Variants in ZBTB5 observed in about 807,000 individuals in gnomAD.
The protein encoded by ZBTB5 is zinc finger and BTB domain containing 5, also known as zinc finger and BTB domain-containing protein 5.
Under a neutral mutation model 37.9 loss-of-function variants are expected in ZBTB5, and 15 were observed. That is an observed-to-expected ratio of 0.40 (90% confidence interval 0.26 to 0.61). The LOEUF (loss-of-function observed/expected upper bound fraction) is 0.61, where lower values mean the gene tolerates loss of function less well. Among genes scored for constraint, ZBTB5 ranks in the 20% least tolerant of loss-of-function variants. The pLI is 0.47. For synonymous variants in ZBTB5, 315 were observed against 312.4 expected (o/e 1.01, Z -0.09); for missense variants, 708 against 856.8 (o/e 0.83, Z 2.17).
intron 1 of ZBTB5, among the ~76,000 whole-genome samples, chr9:37,460,907 T>G (rs1824281229): frequency 6.6e-6 from 1 of 151,390 alleles, no homozygotes; most frequent in Admixed American, 6.6e-5. Flanking sequence ...AAAAAAAAAC[T>G]AAACTTTTAT....
rs749881691 is a variant in ZBTB5 at position 37,442,059 on chromosome 9, C to T, written c.493G>A (p.Glu165Lys). ...GAGCTCATGGGGGCTGGCTGCTCCT[C>T]GCCATTCTGGCTGGAATTGAGGGCT... Reference protein sequence around the residue: ...SSALNSSQNGEEQPAPMSSSM... With the variant: ...SSALNSSQNGKEQPAPMSSSM... The change falls in exon 2 of 2, where the codon GAG (glutamate) becomes AAG (lysine). Residue 165 changes from glutamate to lysine, a missense_variant. Coordinates refer to ENST00000307750, the MANE Select transcript of ZBTB5 (RefSeq NM_014872.3). The T allele has an allele frequency of 1.2e-6, 2 of 1,613,908 alleles. No homozygotes were observed. Among genetic ancestry groups the T allele is most frequent in the Non-Finnish European group, 1.7e-6 (2 of 1,180,040 alleles).
Position 37,441,236 on chromosome 9 carries a change from C to G in ZBTB5, c.1316G>C (p.Arg439Thr). 1.9e-6 allele frequency: 3 copies of G among 1,614,204 alleles called. No individual in the cohort carries two copies. The highest frequency in any genetic ancestry group is 2.5e-6 in the Non-Finnish European group (3 of 1,180,050). The change falls in exon 2 of 2, where the codon AGG becomes ACG. Residue 439 changes from arginine to threonine, a missense_variant. By Grantham distance (71) the Arg-to-Thr change is moderately conservative. Transcript: ENST00000307750. ...DNIPNTTSDC[R>T]LESEAPYLLS... The stretch of plus-strand genomic sequence containing the variant: ...CAAATAGGGGGCCTCACTCTCCAGC[C>G]TGCAGTCACTAGTGGTGTTTGGAAT...
chr9:37,450,335 T>C (rs1824080095), intron 1 of ZBTB5, among the ~76,000 whole-genome samples: 2 of 152,160 alleles, frequency 1.3e-5, no homozygotes, highest in South Asian at 4.2e-4. Context: ...AGTAAGTCTT[T>C]GTATCATTAT....
At chr9:37,452,185 G>A (rs1321166938) in intron 1 of ZBTB5, among the ~76,000 whole-genome samples, 2 of 152,140 alleles carry the variant, frequency 1.3e-5, no homozygotes, top group East Asian at 1.9e-4. Context: ...AGATGGGGTC[G>A]GTTAGGTCTG....
At chr9:37,448,294 T>C (rs1202468427) in intron 1 of ZBTB5, among the ~76,000 whole-genome samples, 2 of 152,182 alleles carry the variant, frequency 1.3e-5, no homozygotes, top group Admixed American at 6.5e-5. Flanking sequence ...CTTCCTGTTA[T>C]ACCTTGTTGG....
intron 1 of ZBTB5, among the ~76,000 whole-genome samples, chr9:37,444,016 A>G (rs1202601416): frequency 6.6e-6 from 1 of 152,134 alleles, no homozygotes; most frequent in Non-Finnish European, 1.5e-5. Flanking sequence ...CTGGGAAGTC[A>G]AGGCTTCTGT....
In ZBTB5 at chr9:37,440,912, G is replaced by C. The variant is rs1823856245; in HGVS notation, c.1640C>G (p.Ser547Cys). Residue 547 changes from serine to cysteine, a missense_variant, in exon 2 of 2, where the codon TCC becomes TGC. Around this residue, in one of 3 missense-constraint regions of ZBTB5, gnomAD observed 639 missense variants for 690.5 expected, o/e 0.93. Transcript: ENST00000307750. ...RIAPKMPVVT[S>C]VRSSQIPENS... ...TTCTGGGATCTGTGAGCTCCTGACG[G>C]AAGTTACAACTGGCATTTTGGGAGC... 3 of 1,614,204 alleles carry C rather than the reference G, an allele frequency of 1.9e-6. No individual in the cohort carries two copies. The highest frequency in any genetic ancestry group is 1.7e-6 in the Non-Finnish European group (2 of 1,180,034).
chr9:37,449,274 G>A (rs1292466744), intron 1 of ZBTB5, among the ~76,000 whole-genome samples: 2 of 152,100 alleles, frequency 1.3e-5, no homozygotes, highest in Admixed American at 6.6e-5. Context: ...AAACATAAGA[G>A]GGGTATTGTT....
rs771957016 is a variant in ZBTB5 at position 37,441,933 on chromosome 9, G to A, written c.619C>T (p.Pro207Ser). Residue 207 changes from proline (P) to serine (S), a missense_variant, in exon 2 of 2, where the codon CCC becomes TCC. Around this residue, in one of 3 missense-constraint regions of ZBTB5, gnomAD observed 639 missense variants for 690.5 expected, o/e 0.93. Coordinates refer to ENST00000307750, the MANE Select transcript of ZBTB5 (RefSeq NM_014872.3). Reference protein sequence around the residue: ...AEERARQRLRPSIDESAISDV... With the variant: ...AEERARQRLRSSIDESAISDV... ...GAAATGGCAGACTCATCTATGGAGG[G>A]TCGGAGGCGCTGCCTGGCCCGCTCC... 1.2e-6 allele frequency: 2 copies of A among 1,614,090 alleles called. No individual in the cohort carries two copies. The highest frequency in any genetic ancestry group is 1.7e-5 in the Admixed American group (1 of 60,032).
At chr9:37,457,870 G>C (rs1824221177) in intron 1 of ZBTB5, among the ~76,000 whole-genome samples, 1 of 152,180 alleles carries the variant, frequency 6.6e-6, no homozygotes, top group Non-Finnish European at 1.5e-5. Context: ...TGGCTAGAAA[G>C]GTAGGTATTG....
In ZBTB5 at chr9:37,441,160, G is replaced by A. The variant is rs757693509; in HGVS notation, c.1392C>T (p.Ser464=). The A allele has an allele frequency of 3.7e-6, 6 of 1,613,962 alleles. No individual in the cohort carries two copies. The highest frequency in any genetic ancestry group is 1.7e-5 in the Admixed American group (1 of 59,982). Residue 464 remains serine (S), a synonymous_variant, in exon 2 of 2, where the codon TCC becomes TCT. Coordinates refer to ENST00000307750, the MANE Select transcript of ZBTB5 (RefSeq NM_014872.3). The part of the protein sequence containing the change: ...PAGGPSSAPG[S]HVENPFSEPA... ...GTTCACTAAATGGGTTCTCTACATG[G>A]GAGCCAGGGGCAGAGGAGGGCCCAC...
chr9:37,455,660 C>G (rs907024597), intron 1 of ZBTB5, among the ~76,000 whole-genome samples: 2 of 152,192 alleles, frequency 1.3e-5, no homozygotes, highest in African/African-American at 4.8e-5. Flanking sequence ...GCAGTGGTGG[C>G]AGCCAAACAG....
In ZBTB5 at chr9:37,440,279, G is replaced by A. The variant is rs1264633077; in HGVS notation, c.*239C>T. 1.0e-5 allele frequency: 5 copies of A among 499,118 alleles called. No individual in the cohort carries two copies. Among genetic ancestry groups the A allele is most frequent in the South Asian group, 3.4e-5 (1 of 29,706 alleles). The allele number at this position is 499,118 out of a possible 1,614,324, so 30.9% of individuals were successfully genotyped here. ...ATCAATTACAAACTACTTTCTGACTGCATTACTCAACCCCAAGGAAGCACC... is the reference window on the plus strand; with the variant it reads ...ATCAATTACAAACTACTTTCTGACTACATTACTCAACCCCAAGGAAGCACC... On this transcript the variant is annotated 3_prime_UTR_variant, in exon 2 of 2. Transcript: ENST00000307750.
chr9:37,464,293 G>A (rs924252349), intron 1 of ZBTB5, among the ~76,000 whole-genome samples: 13 of 152,188 alleles, frequency 8.5e-5, no homozygotes, highest in African/African-American at 3.1e-4. Flanking sequence ...TGAAAAATAT[G>A]AGAACATGTT....
chr9:37,446,958 GA>G (rs1824002290), intron 1 of ZBTB5, among the ~76,000 whole-genome samples: 1 of 152,200 alleles, frequency 6.6e-6, no homozygotes, highest in African/African-American at 2.4e-5. Context: ...AGCGACCATG[GA>G]AGCTTGGGCT....
Position 37,441,701 on chromosome 9 carries a change from G to A in ZBTB5, c.851C>T (p.Ala284Val). The A allele has an allele frequency of 6.2e-7, 1 of 1,613,998 alleles. No individual in the cohort carries two copies. The highest frequency in any genetic ancestry group is 8.5e-7 in the Non-Finnish European group (1 of 1,180,004). Reference sequence around the variant, plus strand: ...TGCACGAGAGGCCATGGACAACTGTGCCATGTTGCCAGCACTGTTATCAGA... The same window carrying A: ...TGCACGAGAGGCCATGGACAACTGTACCATGTTGCCAGCACTGTTATCAGA... ...SQSDNSAGNM[A>V]QLSMASRATQ... is the part of the protein sequence containing the mutation. The change falls in exon 2 of 2, where the codon GCA becomes GTA. Residue 284 changes from alanine (A) to valine (V), a missense_variant. By Grantham distance (64) the Ala-to-Val change is moderately conservative. Transcript: ENST00000307750.
rs1425727559 is a variant in ZBTB5, at chr9:37,441,133, A to G, written c.1419T>C (p.Pro473=). The G allele has an allele frequency of 1.2e-6, 2 of 1,614,016 alleles. No homozygotes were observed. Among genetic ancestry groups the G allele is most frequent in the Admixed American group, 3.3e-5 (2 of 59,988 alleles). ...GSHVENPFSE[P]ADSHFVRPMQ... is the part of the protein sequence containing the mutation. ...TAGGCCTGACGAAGTGGGAGTCTGC[A>G]GGTTCACTAAATGGGTTCTCTACAT... is the stretch of plus-strand genomic sequence containing the variant. Residue 473 remains proline, a synonymous_variant, in exon 2 of 2, where the codon CCT becomes CCC. Coordinates refer to ENST00000307750, the MANE Select transcript of ZBTB5 (RefSeq NM_014872.3).
At chr9:37,455,768 T>A (rs1340575371) in intron 1 of ZBTB5, among the ~76,000 whole-genome samples, 2 of 152,034 alleles carry the variant, frequency 1.3e-5, no homozygotes, top group East Asian at 3.8e-4. Context: ...TTCCTCCACT[T>A]GTAGAGACGA....
rs1205082486 is a variant in ZBTB5 at position 37,438,488 on chromosome 9, C to G, written c.*2030G>C. On this transcript the variant is annotated 3_prime_UTR_variant, in exon 2 of 2. Coordinates refer to ENST00000307750, the MANE Select transcript of ZBTB5 (RefSeq NM_014872.3). Reference sequence around the variant, plus strand: ...TCCATCTAGCAGTGGAGAGGCAGGGCTCCAGCATGTATCAGAGATAAGCCC... The same window carrying G: ...TCCATCTAGCAGTGGAGAGGCAGGGGTCCAGCATGTATCAGAGATAAGCCC... 2 of 152,398 alleles carry G rather than the reference C, an allele frequency of 1.3e-5. No individual in the cohort carries two copies. The highest frequency in any genetic ancestry group is 4.8e-5 in the African/African-American group (2 of 41,444). The allele number at this position is 152,398 out of a possible 1,614,324, so 9.4% of individuals were successfully genotyped here.
Sources: gnomAD v4.1 joint callset for allele counts (sites outside exome capture counted in the v4.1 genomes callset) on GRCh38, gnomAD v4.1.1 for gene constraint, gnomAD v4.1.1 regional missense constraint, MANE v1.5 for transcripts, NCBI Gene and HGNC (gene_info 2026-07-23, HGNC 2026-07-21) for gene names.